Variants in HIF1A observed in about 807,000 individuals in gnomAD.
HIF1A encodes the protein hypoxia-inducible factor 1-alpha.
In HIF1A, 24 loss-of-function variants were observed where a neutral mutation model predicts 92.7. The ratio of observed to expected loss-of-function variants is 0.26; its 90% CI spans 0.19 to 0.36. The LOEUF (loss-of-function observed/expected upper bound fraction) is 0.36. HIF1A is among the 10% of genes least tolerant of loss of function. The pLI is 1.00. For synonymous variants in HIF1A, 319 were observed against 338.7 expected (o/e 0.94, Z 0.64); for missense variants, 799 against 998.5 (o/e 0.80, Z 2.69).
intron 1 of HIF1A, among the ~76,000 whole-genome samples, chr14:61,709,345 TTAATG>T (rs1265393546): frequency 6.6e-6 from 1 of 152,196 alleles, no homozygotes; most frequent in Non-Finnish European, 1.5e-5. Context: ...TCAATACACA[TTAATG>T]TAAACACATG....
At chr14:61,738,421 A>G (rs1416024470) in intron 10 of HIF1A, 48 bp downstream of exon 10, 2 of 1,420,978 alleles carry the variant, frequency 1.4e-6, no homozygotes, top group South Asian at 1.3e-5. Context: ...AGATTTTAAC[A>G]TTCAAGAATG....
chr14:61,741,206 T>G lies in HIF1A; in HGVS notation c.2093+18T>G. The G allele has an allele frequency of 6.7e-7, 1 of 1,497,918 alleles. No homozygotes were observed. The highest frequency in any genetic ancestry group is 9.1e-7 in the Non-Finnish European group (1 of 1,099,832). 92.8% of individuals were successfully genotyped at this position (1,497,918 alleles called of 1,614,324 possible). A position where few individuals can be genotyped will look rare whatever the true frequency, so the allele number is the denominator to read the frequency against. On this transcript the variant is annotated intron_variant, in intron 12 of 14. Coordinates refer to ENST00000337138, the MANE Select transcript of HIF1A (RefSeq NM_001530.4). ...AGTCAAAGGTATTTATATGTAACAT[T>G]CAAGTTATAGTTCTTTTATTATTTT...
chr14:61,707,362 T>G (rs992226150), intron 1 of HIF1A, among the ~76,000 whole-genome samples: 2 of 152,184 alleles, frequency 1.3e-5, no homozygotes, highest in Non-Finnish European at 2.9e-5. Context: ...ACGTGCAGGT[T>G]AGTTACATAT....
chr14:61,728,815 A>G (rs1317616368), intron 6 of HIF1A, among the ~76,000 whole-genome samples: 1 of 152,194 alleles, frequency 6.6e-6, no homozygotes, highest in Non-Finnish European at 1.5e-5. Flanking sequence ...AAGTTGCCAG[A>G]AAGTGGGTGT....
At chr14:61,708,629 T>C (rs76019043) in intron 1 of HIF1A, among the ~76,000 whole-genome samples, 1 of 151,764 alleles carries the variant, frequency 6.6e-6, no homozygotes, top group African/African-American at 2.4e-5. Context: ...AGCGGCATTA[T>C]TTCTGAGGGC....
Position 61,721,645 on chromosome 14 carries a change from A to G in HIF1A, c.363A>G (p.Gly121=), listed in dbSNP as rs549220351. 2.2e-5 allele frequency: 35 copies of G among 1,613,126 alleles called. No individual in the cohort carries two copies. Among genetic ancestry groups the G allele is most frequent in the Admixed American group, 1.8e-4 (11 of 60,024 alleles). ...YISDNVNKYM[G]LTQFELTGHS... ...CTGATAATGTGAACAAATACATGGG[A>G]TTAACTCAGGTAAAATGCACACATA... Residue 121 remains glycine, a synonymous_variant, in exon 3 of 15, where the codon GGA becomes GGG. Coordinates refer to ENST00000337138, the MANE Select transcript of HIF1A (RefSeq NM_001530.4).
Position 61,742,422 on chromosome 14 carries a change from G to A in HIF1A, c.2093+1234G>A, listed in dbSNP as rs555804681. Among the ~76,000 whole-genome samples, 6 of 152,184 alleles carry A rather than the reference G, an allele frequency of 3.9e-5. No homozygotes were observed. In the South Asian group the frequency reaches 1.2e-3, roughly 32 times the overall value. ...GGGAGAGGTCTTTTCCCTAAGCTTG[G>A]AAAAGACATTGGGGCTTTAGATGAA... is the stretch of plus-strand genomic sequence containing the variant. On this transcript the variant is annotated intron_variant, in intron 12 of 14. Coordinates refer to ENST00000337138, the MANE Select transcript of HIF1A (RefSeq NM_001530.4).
intron 1 of HIF1A, among the ~76,000 whole-genome samples, chr14:61,700,999 G>A (rs770418244): frequency 4.6e-5 from 7 of 152,172 alleles, no homozygotes; most frequent in Non-Finnish European, 7.3e-5. Flanking sequence ...AATTTTTCTA[G>A]TGACTTAGAT....
rs1312549800 is a variant in HIF1A at position 61,726,871 on chromosome 14, T to G, written c.570+53T>G. On this transcript the variant is annotated intron_variant, in intron 5 of 14. Transcript: ENST00000337138. ...ATACACTTTATTTATACATAGACAT[T>G]GTAGTATTAAGATAACTTTAGAATT... 3 of 999,420 alleles carry G rather than the reference T, an allele frequency of 3.0e-6. No homozygotes were observed. In the African/African-American group the frequency reaches 5.0e-5, roughly 16 times the overall value. 61.9% of individuals were successfully genotyped at this position (999,420 alleles called of 1,614,324 possible). A position where few individuals can be genotyped will look rare whatever the true frequency, so the allele number is the denominator to read the frequency against.
chr14:61,726,634 C>A, intron 4 of HIF1A, 72 bp from the exon 5 acceptor site: 1 of 838,124 alleles, frequency 1.2e-6, no homozygotes, highest in Non-Finnish European at 1.9e-6. Flanking sequence ...AGGTGATGGG[C>A]ACTTTGTTAC....
chr14:61,710,921 G>GT (rs2044298618), intron 1 of HIF1A, among the ~76,000 whole-genome samples: 1 of 151,918 alleles, frequency 6.6e-6, no homozygotes, highest in Non-Finnish European at 1.5e-5. Flanking sequence ...TTAGCCGGGT[G>GT]TGGTGGCAGG....
In HIF1A at chr14:61,718,287, T is replaced by C. The variant is rs996287038; in HGVS notation, c.36-2095T>C. ...AGGTAACAAAGAACGCCTGGAATGA[T>C]TGTGGCATTTGAACTAATATTCAGG... is the stretch of plus-strand genomic sequence containing the variant. On this transcript the variant is annotated intron_variant, in intron 1 of 14. Coordinates refer to ENST00000337138, the MANE Select transcript of HIF1A (RefSeq NM_001530.4). 4.6e-5 allele frequency among the ~76,000 whole-genome samples: 7 copies of C among 152,184 alleles called. No homozygotes were observed. In the East Asian group the frequency reaches 7.7e-4, roughly 17 times the overall value.
At chr14:61,732,337 T>A in intron 6 of HIF1A, 81 bp from the exon 7 acceptor site, 2 of 787,638 alleles carry the variant, frequency 2.5e-6, no homozygotes, top group South Asian at 1.5e-5. Flanking sequence ...TTAATGCCTA[T>A]CAGTTAACTT....
chr14:61,730,586 G>C (rs1566572081), intron 6 of HIF1A, among the ~76,000 whole-genome samples: 2 of 152,076 alleles, frequency 1.3e-5, no homozygotes, highest in Non-Finnish European at 2.9e-5. Context: ...AAGCGGTTTT[G>C]CCTTTCCTTT....
At chr14:61,731,167 GT>G (rs879814485) in intron 6 of HIF1A, among the ~76,000 whole-genome samples, 17 of 148,144 alleles carry the variant, frequency 1.1e-4, no homozygotes, top group African/African-American at 2.2e-4. Flanking sequence ...GTTAGGTAGG[GT>G]TTTTTTTTTG....
At chr14:61,716,197 A>G (rs1463627174) in intron 1 of HIF1A, among the ~76,000 whole-genome samples, 1 of 135,314 alleles carries the variant, frequency 7.4e-6, no homozygotes, top group African/African-American at 2.7e-5. Flanking sequence ...TGCAGAGTGC[A>G]TGGGGGAATT....
chr14:61,737,016 C>A lies in HIF1A; in HGVS notation c.1156C>A (p.Leu386Ile). The change falls in exon 9 of 15, where the codon CTC (leucine) becomes ATC (isoleucine). Residue 386 changes from leucine (L) to isoleucine (I), a missense_variant. Physicochemically the swap from Leu to Ile is conservative, Grantham distance 5. Coordinates refer to ENST00000337138, the MANE Select transcript of HIF1A (RefSeq NM_001530.4). ...TKVESEDTSS[L>I]FDKLKKEPDA... Reference sequence around the variant, plus strand: ...AGTTGAATCAGAAGATACAAGTAGCCTCTTTGACAAACTTAAGAAGGAACC... The same window carrying A: ...AGTTGAATCAGAAGATACAAGTAGCATCTTTGACAAACTTAAGAAGGAACC... The A allele has an allele frequency of 6.2e-7, 1 of 1,614,062 alleles. No individual in the cohort carries two copies.
Position 61,700,804 on chromosome 14 carries a change from T to C in HIF1A, c.35+4965T>C, listed in dbSNP as rs143104830. Among the ~76,000 whole-genome samples, 195 of 152,368 alleles carry C rather than the reference T, an allele frequency of 1.3e-3. 1 individual carries two copies. The highest frequency in any genetic ancestry group is 3.4e-3 in the Middle Eastern group (1 of 294). Reference sequence around the variant, plus strand: ...TCCTTCTAAACACTTGTTTTCTTTCTTTCCTTCCTTCTCTTCTCTTTCTTT... The same window carrying C: ...TCCTTCTAAACACTTGTTTTCTTTCCTTCCTTCCTTCTCTTCTCTTTCTTT... On this transcript the variant is annotated intron_variant, in intron 1 of 14. Coordinates refer to ENST00000337138, the MANE Select transcript of HIF1A (RefSeq NM_001530.4).
chr14:61,707,637 C>T (rs2044255713), intron 1 of HIF1A, among the ~76,000 whole-genome samples: 1 of 151,726 alleles, frequency 6.6e-6, no homozygotes, highest in Non-Finnish European at 1.5e-5. Context: ...GACATGAACT[C>T]ATCCTTTTTT....
Sources: allele counts gnomAD v4.1 joint callset (sites outside exome capture counted in the v4.1 genomes callset), GRCh38; gene constraint gnomAD v4.1.1; transcripts MANE v1.5; gene names NCBI Gene and HGNC (gene_info 2026-07-23, HGNC 2026-07-21).